The following UBR2 variants were observed in gnomAD, a reference collection of about 807,000 sequenced individuals.
The protein encoded by UBR2 is ubiquitin protein ligase E3 component n-recognin 2.
In UBR2, 92 loss-of-function variants were observed where a neutral mutation model predicts 247.9. That is an observed-to-expected ratio of 0.37 (90% CI 0.31 to 0.44). The LOEUF (loss-of-function observed/expected upper bound fraction) is 0.44. Among genes scored for constraint, UBR2 ranks in the 20% least tolerant of loss-of-function variants. UBR2 has a pLI of 1.00. For synonymous variants in UBR2, 672 were observed against 693.5 expected (o/e 0.97, Z 0.49); for missense variants, 1,613 against 2,112.6 (o/e 0.76, Z 4.64).
rs114005166 is a variant in UBR2 at position 42,620,983 on chromosome 6, G to T, written c.1281+3476G>T. On this transcript the variant is annotated intron_variant, in intron 11 of 46. Coordinates refer to ENST00000372901, the MANE Select transcript of UBR2 (RefSeq NM_001363705.2). ...CCATACCTGGCTATTTTGTTTGTTT[G>T]TTTGTTTGTTTGTATTTTTAGTAGA... Among the ~76,000 whole-genome samples, 590 of 151,722 alleles carry T rather than the reference G, an allele frequency of 3.9e-3. 1 individual carries two copies. The highest frequency in any genetic ancestry group is 0.013 in the African/African-American group (553 of 41,380).
intron 31 of UBR2, 75 bp from the exon 32 acceptor site, chr6:42,663,179 ATTTT>A: frequency 8.3e-7 from 1 of 1,201,876 alleles, no homozygotes. Flanking sequence ...GAAACAAATT[ATTTT>A]AAATGTTGAA....
chr6:42,626,927 A>C (rs1308010236), intron 11 of UBR2, among the ~76,000 whole-genome samples: 1 of 152,164 alleles, frequency 6.6e-6, no homozygotes, highest in African/African-American at 2.4e-5. Context: ...AGTTCTGTAC[A>C]TATTTTGTAA....
intron 1 of UBR2, among the ~76,000 whole-genome samples, chr6:42,571,431 G>C (rs1791135365): frequency 6.6e-6 from 1 of 151,908 alleles, no homozygotes; most frequent in Non-Finnish European, 1.5e-5. Flanking sequence ...TAGGATCATG[G>C]AGGTGAATTA....
At position 42,650,269 on chromosome 6, in the gene UBR2, T is replaced by C. The variant is rs758327376; in HGVS notation, c.2463-15T>C. The C allele has an allele frequency of 6.3e-7, 1 of 1,599,652 alleles. No homozygotes were observed. Among genetic ancestry groups the C allele is most frequent in the South Asian group, 1.1e-5 (1 of 90,514 alleles). On this transcript the variant is annotated splice_polypyrimidine_tract_variant and intron_variant, in intron 22 of 46. Coordinates refer to ENST00000372901, the MANE Select transcript of UBR2 (RefSeq NM_001363705.2). ...TGGCTTTGGTAATAATATTCTAAGGTCCTTTCTTTCACAGGAAACCTGGAT... is the reference window on the plus strand; with the variant it reads ...TGGCTTTGGTAATAATATTCTAAGGCCCTTTCTTTCACAGGAAACCTGGAT...
At chr6:42,618,495 A>G (rs1453808202) in intron 11 of UBR2, among the ~76,000 whole-genome samples, 1 of 152,206 alleles carries the variant, frequency 6.6e-6, no homozygotes, top group Non-Finnish European at 1.5e-5. Flanking sequence ...GATATATTCT[A>G]ATACAGTGGA....
chr6:42,657,234 C>CA (rs35892798), intron 26 of UBR2, among the ~76,000 whole-genome samples: 2,166 of 87,876 alleles, frequency 0.025, 33 homozygotes, highest in African/African-American at 0.057. Flanking sequence ...GACTCTGTCT[C>CA]AAAAAAAAAA....
At chr6:42,646,818 T>G (rs199961474) in intron 21 of UBR2, among the ~76,000 whole-genome samples, 22,070 of 148,518 alleles carry the variant, frequency 0.15, 1,987 homozygotes, top group African/African-American at 0.24. Flanking sequence ...TATATATATA[T>G]ATAGAGAGAG....
At chr6:42,619,453 A>ATATATATTTATTTATTT in intron 11 of UBR2, 1 of 23,728 alleles carries the variant, frequency 4.2e-5, no homozygotes, top group East Asian at 1.7e-3. Flanking sequence ...ATATATATAT[A>ATATATATTTATTTATTT]TTTTTTTTTT....
At chr6:42,617,979 A>G (rs1582549400) in intron 11 of UBR2, among the ~76,000 whole-genome samples, 2 of 152,212 alleles carry the variant, frequency 1.3e-5, no homozygotes, top group African/African-American at 4.8e-5. Flanking sequence ...GTTGCCCATA[A>G]AGGCATCGTT....
At chr6:42,690,820 T>C (rs1308355908) in intron 46 of UBR2, among the ~76,000 whole-genome samples, 1 of 152,208 alleles carries the variant, frequency 6.6e-6, no homozygotes, top group East Asian at 1.9e-4. Context: ...GTACCTTTCC[T>C]TCCTCATTTC....
rs150560009 is a variant in UBR2 at position 42,691,782 on chromosome 6, G to GTT, written c.*620_*621dup. The GTT allele has an allele frequency of 1.0e-3, 88 of 84,392 alleles. No individual in the cohort carries two copies. Among genetic ancestry groups the GTT allele is most frequent in the Middle Eastern group, 5.6e-3 (1 of 178 alleles). The allele number at this position is 84,392 out of a possible 1,614,324, so 5.2% of individuals were successfully genotyped here. A position where few individuals can be genotyped will look rare whatever the true frequency, so the allele number is the denominator to read the frequency against. On this transcript the variant is annotated 3_prime_UTR_variant, in exon 47 of 47. Transcript: ENST00000372901. The stretch of plus-strand genomic sequence containing the variant: ...GGCTGGTTTTTCAGGGCTGTTAGAG[G>GTT]TTTTTTTTTTTTCTTTTTTTTTTTA...
chr6:42,609,261 A>G (rs1315027905), intron 7 of UBR2, among the ~76,000 whole-genome samples: 1 of 152,232 alleles, frequency 6.6e-6, no homozygotes. Flanking sequence ...CAGTGTGTTC[A>G]GTACAGTACT....
intron 11 of UBR2, chr6:42,619,429 ATATATATATATATATATATATATATTT>A: frequency 6.5e-5 from 1 of 15,342 alleles, no homozygotes; most frequent in Non-Finnish European, 1.2e-4. Context: ...ATATATATAT[ATATATATATATATATATATATATATTT>A]TTTTTTTTTA....
intron 2 of UBR2, among the ~76,000 whole-genome samples, chr6:42,587,231 C>G (rs1792345209): frequency 6.6e-6 from 1 of 152,090 alleles, no homozygotes; most frequent in Admixed American, 6.5e-5. Context: ...TAATATTAAC[C>G]CACATATATC....
In UBR2 at chr6:42,652,656, A is replaced by C. The variant is rs568852934; in HGVS notation, c.2769+11A>C. 7 of 1,603,720 alleles carry C rather than the reference A, an allele frequency of 4.4e-6. No individual in the cohort carries two copies. In the South Asian group the frequency reaches 8.0e-5, roughly 18 times the overall value. ...TCCATGCTGCAAAGGGTAGGTTTGA[A>C]GACATTTATTATTTATATTTTAGTA... On this transcript the variant is annotated intron_variant, in intron 25 of 46. Coordinates refer to ENST00000372901, the MANE Select transcript of UBR2 (RefSeq NM_001363705.2).
chr6:42,680,374 G>T (rs1268027015), intron 42 of UBR2, among the ~76,000 whole-genome samples: 1 of 152,156 alleles, frequency 6.6e-6, no homozygotes, highest in Non-Finnish European at 1.5e-5. Context: ...TGCATGGAAG[G>T]GGAATAGTGG....
In UBR2 at chr6:42,689,638, T is replaced by C. The variant is rs1270413276; in HGVS notation, c.5094T>C (p.Leu1698=). ...TKGCFYSPPY[L]DDYGETDQGL... is the part of the protein sequence containing the mutation. ...GCTGTTTTTATTCTCCTCCTTACCT[T>C]GATGACTATGGGGAGACCGACCAGG... The change falls in exon 46 of 47, where the codon CTT becomes CTC. Residue 1698 remains leucine, a synonymous_variant. Coordinates refer to ENST00000372901, the MANE Select transcript of UBR2 (RefSeq NM_001363705.2). The surrounding 1 kb of genome is among the most constrained non-coding windows in gnomAD (Gnocchi z 4.0). The C allele has an allele frequency of 1.9e-6, 3 of 1,614,110 alleles. No homozygotes were observed. The highest frequency in any genetic ancestry group is 2.5e-6 in the Non-Finnish European group (3 of 1,179,996).
intron 4 of UBR2, among the ~76,000 whole-genome samples, chr6:42,595,723 A>G (rs946216785): frequency 9.2e-5 from 14 of 152,008 alleles, no homozygotes; most frequent in Admixed American, 9.2e-4. Flanking sequence ...GTCTTTAAAA[A>G]AAAAAAAAAA....
Position 42,665,483 on chromosome 6 carries a change from A to C in UBR2, c.3773A>C (p.Gln1258Pro). 1 of 1,612,962 alleles carries C rather than the reference A, an allele frequency of 6.2e-7. No homozygotes were observed. Among genetic ancestry groups the C allele is most frequent in the Non-Finnish European group, 8.5e-7 (1 of 1,179,390 alleles). The change falls in exon 33 of 47, where the codon CAG (glutamine) becomes CCG (proline). Residue 1258 changes from glutamine to proline, a missense_variant. Transcript: ENST00000372901. The part of the protein sequence containing the change: ...RTISQQIKAL[Q>P]FLRKEESTPN... The stretch of plus-strand genomic sequence containing the variant: ...ATATCTCAGCAAATAAAAGCATTAC[A>C]GTTTCTTAGGAAAGAAGAAAGTACT...
Sources: allele counts gnomAD v4.1 joint callset (sites outside exome capture counted in the v4.1 genomes callset), GRCh38; gene constraint gnomAD v4.1.1; non-coding constraint Gnocchi (gnomAD v3.1); transcripts MANE v1.5; gene names NCBI Gene and HGNC (gene_info 2026-07-23, HGNC 2026-07-21).